The following RAPGEF2 variants were observed in gnomAD, a reference collection of about 807,000 sequenced individuals.
The protein encoded by RAPGEF2 is PDZ domain containing guanine nucleotide exchange factor (GEF) 1.
In RAPGEF2, 54 loss-of-function variants were observed where a neutral mutation model predicts 186.7. The observed-to-expected ratio is 0.29, with a 90% CI of 0.23 to 0.36. The LOEUF (loss-of-function observed/expected upper bound fraction) is 0.36. RAPGEF2 is among the 10% of genes least tolerant of loss of function. RAPGEF2 has a pLI of 1.00. For missense variants in RAPGEF2, 1,532 were observed against 2,045.0 expected (o/e 0.75, Z 4.84); for synonymous variants, 712 against 705.9 (o/e 1.01, Z -0.14).
chr4:159,127,443 A>G (rs1740474362), intron 1 of RAPGEF2, among the ~76,000 whole-genome samples: 1 of 152,214 alleles, frequency 6.6e-6, no homozygotes, highest in Admixed American at 6.6e-5. Context: ...CTGTGGTAGT[A>G]ACTCATTTAA....
At chr4:159,224,210 A>G (rs1751801303) in intron 4 of RAPGEF2, among the ~76,000 whole-genome samples, 1 of 152,110 alleles carries the variant, frequency 6.6e-6, no homozygotes, top group Non-Finnish European at 1.5e-5. Flanking sequence ...CATTTAAGTG[A>G]ACTTCTAAAA....
intron 1 of RAPGEF2, among the ~76,000 whole-genome samples, chr4:159,126,105 G>C (rs541699817): frequency 2.0e-5 from 3 of 152,296 alleles, no homozygotes; most frequent in South Asian, 2.1e-4. Flanking sequence ...ATATTTGAAA[G>C]TATAAAAATT....
In RAPGEF2 at chr4:159,358,236, G is replaced by T; in HGVS notation, c.*97G>T. On this transcript the variant is annotated 3_prime_UTR_variant, in exon 30 of 30. Coordinates refer to ENST00000691494, the MANE Select transcript of RAPGEF2 (RefSeq NM_001394067.2). Reference sequence around the variant, plus strand: ...GCCTTGGAACTCACATTCTGAGGACGGTGGACCAGTTTGCCTCCTTCCCTG... The same window carrying T: ...GCCTTGGAACTCACATTCTGAGGACTGTGGACCAGTTTGCCTCCTTCCCTG... 1 of 1,322,232 alleles carries T rather than the reference G, an allele frequency of 7.6e-7. No homozygotes were observed. The highest frequency in any genetic ancestry group is 2.4e-5 in the East Asian group (1 of 41,618). 81.9% of individuals were successfully genotyped at this position (1,322,232 alleles called of 1,614,324 possible).
At position 159,345,277 on chromosome 4, in the gene RAPGEF2, C is replaced by T. The variant is rs1163470702; in HGVS notation, c.3450C>T (p.Asp1150=). The part of the protein sequence containing the change: ...QYLSNLELEM[D]EESLQTLSLQ... ...TTTCCAATTTGGAGCTAGAAATGGA[C>T]GAGGAGAGTCTTCAGACATTATCTC... The change falls in exon 24 of 30, where the codon GAC becomes GAT. Residue 1150 remains aspartate (D), a synonymous_variant. Transcript: ENST00000691494. 16 of 1,614,116 alleles carry T rather than the reference C, an allele frequency of 9.9e-6. No individual in the cohort carries two copies. Among genetic ancestry groups the T allele is most frequent in the East Asian group, 4.5e-5 (2 of 44,884 alleles).
intron 7 of RAPGEF2, among the ~76,000 whole-genome samples, chr4:159,278,539 C>G (rs1030265233): frequency 1.3e-5 from 2 of 152,112 alleles, no homozygotes; most frequent in African/African-American, 4.8e-5. Context: ...TGCTAGTAAC[C>G]CATCTATAAA....
intron 9 of RAPGEF2, among the ~76,000 whole-genome samples, chr4:159,318,928 TTAGA>T (rs992561767): frequency 2.0e-5 from 3 of 152,148 alleles, no homozygotes; most frequent in African/African-American, 7.2e-5. Flanking sequence ...TCCATAAACG[TTAGA>T]TAGGTCATAA....
intron 17 of RAPGEF2, among the ~76,000 whole-genome samples, chr4:159,335,120 GT>G (rs1162606914): frequency 6.6e-6 from 1 of 152,050 alleles, no homozygotes; most frequent in East Asian, 1.9e-4. Flanking sequence ...ATACTGTTGA[GT>G]TTTTTCCTCA....
At chr4:159,108,366 G>A (rs1285222984) in intron 1 of RAPGEF2, among the ~76,000 whole-genome samples, 2 of 147,948 alleles carry the variant, frequency 1.4e-5, no homozygotes, top group Admixed American at 1.4e-4. Context: ...CCAAATGCTG[G>A]AATTTCACAG....
Position 159,341,725 on chromosome 4 carries a change from C to T in RAPGEF2, c.2696C>T (p.Pro899Leu). 6.2e-7 allele frequency: 1 copy of T among 1,614,014 alleles called. No individual in the cohort carries two copies. Among genetic ancestry groups the T allele is most frequent in the Non-Finnish European group, 8.5e-7 (1 of 1,179,922 alleles). Residue 899 changes from proline (P) to leucine (L), a missense_variant, in exon 20 of 30, where the codon CCT (proline) becomes CTT (leucine). This residue lies in a region of RAPGEF2 where 810 missense variants were observed against 1,210.5 expected (regional missense o/e 0.67). Transcript: ENST00000691494. ...RNFELFRNIE[P>L]TEYIDDLFKL... is the part of the protein sequence containing the mutation. ...TTTGAACTCTTTCGCAACATTGAAC[C>T]TACTGAATATATAGATGATTTATTT...
At chr4:159,238,947 T>A in intron 5 of RAPGEF2, 63 bp downstream of exon 5, 1 of 992,798 alleles carries the variant, frequency 1.0e-6, no homozygotes, top group Non-Finnish European at 1.4e-6. Flanking sequence ...AAGGCATTTT[T>A]ATAAACTGCT....
At chr4:159,125,063 A>G (rs1740139964) in intron 1 of RAPGEF2, among the ~76,000 whole-genome samples, 1 of 151,656 alleles carries the variant, frequency 6.6e-6, no homozygotes, top group African/African-American at 2.4e-5. Context: ...TAAAAGTTAG[A>G]TGAGAGGTTT....
chr4:159,192,343 G>T (rs1748213413), intron 2 of RAPGEF2, among the ~76,000 whole-genome samples: 1 of 152,148 alleles, frequency 6.6e-6, no homozygotes, highest in South Asian at 2.1e-4. Flanking sequence ...CTTTGATTTA[G>T]CAAACCGAGG....
chr4:159,160,646 A>G (rs1744613845), intron 1 of RAPGEF2, among the ~76,000 whole-genome samples: 1 of 151,860 alleles, frequency 6.6e-6, no homozygotes, highest in Admixed American at 6.6e-5. Flanking sequence ...CATGATATTC[A>G]GTATATCTTT....
At chr4:159,297,964 A>T (rs1196175410) in intron 7 of RAPGEF2, among the ~76,000 whole-genome samples, 3 of 152,228 alleles carry the variant, frequency 2.0e-5, no homozygotes, top group African/African-American at 7.2e-5. Context: ...TGAACAGAAG[A>T]TTAATCCGTA....
chr4:159,215,259 A>C (rs1483468496), intron 4 of RAPGEF2, among the ~76,000 whole-genome samples: 2 of 151,682 alleles, frequency 1.3e-5, no homozygotes, highest in Non-Finnish European at 1.5e-5. Flanking sequence ...TGTGGCCTCA[A>C]CCTCCTAGGC....
Position 159,193,256 on chromosome 4 carries a change from A to G in RAPGEF2, c.197A>G (p.Tyr66Cys). 3 of 1,489,064 alleles carry G rather than the reference A, an allele frequency of 2.0e-6. No homozygotes were observed. In the South Asian group the frequency reaches 3.9e-5, roughly 20 times the overall value. The allele number at this position is 1,489,064 out of a possible 1,614,324, so 92.2% of individuals were successfully genotyped here. ...CACGAAGCAAATGAAGTTTTATACT[A>G]GTAGGTGTTTCCTTTTTGTTTGTAC... ...ERHEANEVLY[Y>C]PDDIGTCWYI... The change falls in exon 3 of 30, where the codon TAC becomes TGC. Residue 66 changes from tyrosine (Y) to cysteine (C), a missense_variant and splice_region_variant. This residue lies in a region of RAPGEF2 where 810 missense variants were observed against 1,210.5 expected (regional missense o/e 0.67). Transcript: ENST00000691494.
chr4:159,319,769 G>T (rs911025013), intron 9 of RAPGEF2, among the ~76,000 whole-genome samples: 1 of 146,178 alleles, frequency 6.8e-6, no homozygotes, highest in Non-Finnish European at 1.5e-5. Flanking sequence ...CTATCCTGTG[G>T]TTTTTTTTTT....
At chr4:159,280,886 G>A (rs1193378560) in intron 7 of RAPGEF2, among the ~76,000 whole-genome samples, 3 of 151,852 alleles carry the variant, frequency 2.0e-5, no homozygotes, top group East Asian at 3.9e-4. Flanking sequence ...TTTTTGTGTA[G>A]TAAAACAATA....
intron 2 of RAPGEF2, among the ~76,000 whole-genome samples, chr4:159,187,745 G>A (rs529832582): frequency 4.3e-4 from 66 of 152,264 alleles, no homozygotes; most frequent in African/African-American, 1.6e-3. Context: ...AGGACCTTAG[G>A]AAGATGGATA....
Sources: allele counts gnomAD v4.1 joint callset (sites outside exome capture counted in the v4.1 genomes callset), GRCh38; gene constraint gnomAD v4.1.1; regional missense constraint gnomAD v4.1.1; transcripts MANE v1.5; gene names NCBI Gene and HGNC (gene_info 2026-07-23, HGNC 2026-07-21).